Variants in MAP4K2 observed in about 807,000 individuals in gnomAD.
MAP4K2 encodes the protein B lymphocyte serine/threonine protein kinase.
In MAP4K2, 85 loss-of-function variants were observed where a neutral mutation model predicts 125.3. The observed-to-expected ratio is 0.68, with a 90% CI of 0.57 to 0.81. The LOEUF is 0.81. Ranked by LOEUF, MAP4K2 falls within the 40% of genes least tolerant of loss-of-function variation. The probability of loss-of-function intolerance (pLI) is 0.00; values close to 1 mark genes in which losing one functional copy is unlikely to be tolerated. For synonymous variants in MAP4K2, 479 were observed against 445.1 expected (o/e 1.08, Z -0.96); for missense variants, 923 against 1,056.4 (o/e 0.87, Z 1.75).
rs1276336878 is a variant in MAP4K2, at chr11:64,786,690, C to T, written c.*2847G>A. ...CAGCTATCACCACGGCATATGTAGC[C>T]ACCGCTAACTCATTAATGCTGCTTC... On this transcript the variant is annotated 3_prime_UTR_variant, in exon 32 of 32. Transcript: ENST00000294066. 1 of 152,212 alleles carries T rather than the reference C, an allele frequency of 6.6e-6. No homozygotes were observed. The highest frequency in any genetic ancestry group is 2.4e-5 in the African/African-American group (1 of 41,448). 9.4% of individuals were successfully genotyped at this position (152,212 alleles called of 1,614,324 possible). A position where few individuals can be genotyped will look rare whatever the true frequency, so the allele number is the denominator to read the frequency against.
chr11:64,796,134 T>C, intron 24 of MAP4K2, 139 bp downstream of exon 24: 1 of 723,646 alleles, frequency 1.4e-6, no homozygotes, highest in South Asian at 2.3e-5. Context: ...GGCCATCAAT[T>C]GTATTGACAG....
chr11:64,798,120 T>A (rs1289719753), intron 15 of MAP4K2, among the ~76,000 whole-genome samples: 1 of 151,932 alleles, frequency 6.6e-6, no homozygotes, highest in Admixed American at 6.6e-5. Context: ...GCCACCCTAG[T>A]AGCTGGGATT....
chr11:64,799,704 T>C (rs1292314566), intron 12 of MAP4K2, 21 bp from the exon 13 acceptor site: 6 of 1,605,914 alleles, frequency 3.7e-6, no homozygotes, highest in Non-Finnish European at 5.1e-6. Context: ...ACAGAAACAG[T>C]GTGGACACAC....
intron 23 of MAP4K2, 29 bp downstream of exon 23, chr11:64,796,464 C>G: frequency 6.2e-7 from 1 of 1,613,624 alleles, no homozygotes; most frequent in Non-Finnish European, 8.5e-7. Context: ...CCCTGCGGAC[C>G]CTGCCTCCCT....
intron 29 of MAP4K2, 75 bp from the exon 30 acceptor site, chr11:64,790,034 GC>G: frequency 6.4e-7 from 1 of 1,573,108 alleles, no homozygotes; most frequent in South Asian, 1.1e-5. Context: ...CTGGGTCTGG[GC>G]CACAGGGGTC....
Position 64,796,289 on chromosome 11 carries a change from G to C in MAP4K2, c.1735C>G (p.Gln579Glu). 1 of 1,535,252 alleles carries C rather than the reference G, an allele frequency of 6.5e-7. No homozygotes were observed. The highest frequency in any genetic ancestry group is 8.8e-7 in the Non-Finnish European group (1 of 1,141,686). ...PLSIPTNRLTQRIIPRRFALS... is the reference protein window; with the variant it reads ...PLSIPTNRLTERIIPRRFALS... Reference sequence around the variant, plus strand: ...ATCCCTGACCTGGGGATGATGCGCTGGGTGAGGCGGTTGGTGGGGATGGAG... The same window carrying C: ...ATCCCTGACCTGGGGATGATGCGCTCGGTGAGGCGGTTGGTGGGGATGGAG... The change falls in exon 24 of 32, where the codon CAG becomes GAG. Residue 579 changes from glutamine to glutamate, a missense_variant. By Grantham distance (29) the Gln-to-Glu change is conservative. Coordinates refer to ENST00000294066, the MANE Select transcript of MAP4K2 (RefSeq NM_004579.5).
At position 64,802,880 on chromosome 11, in the gene MAP4K2, C is replaced by G. The variant is rs537193551; in HGVS notation, c.154+5G>C. The G allele has an allele frequency of 1.9e-6, 3 of 1,600,436 alleles. No individual in the cohort carries two copies. The highest frequency in any genetic ancestry group is 2.6e-6 in the Non-Finnish European group (3 of 1,174,532). On this transcript the variant is annotated splice_donor_5th_base_variant and intron_variant, in intron 2 of 31. Transcript: ENST00000294066. ...CTGGCGCAGAGGCCCGACCCGGGCC[C>G]TCACCTGGGTCTAGCTTGACTATCT...
At chr11:64,794,382 C>T (rs1228974007) in intron 24 of MAP4K2, among the ~76,000 whole-genome samples, 5 of 149,804 alleles carry the variant, frequency 3.3e-5, no homozygotes, top group East Asian at 1.9e-4. Flanking sequence ...TTTTTTGAGA[C>T]GGAGTCTTGC....
In MAP4K2 at chr11:64,797,203, A is replaced by G. The variant is rs1160344087; in HGVS notation, c.1277-11T>C. On this transcript the variant is annotated splice_polypyrimidine_tract_variant and intron_variant, in intron 18 of 31. Transcript: ENST00000294066. ...GTGGGGGCAGGGTTCCTGCAGGCAC[A>G]GGCGTGCTGTAATTTCCTGCTGTAG... is the stretch of plus-strand genomic sequence containing the variant. The G allele has an allele frequency of 1.9e-6, 3 of 1,612,402 alleles. No homozygotes were observed. The Admixed American group carries it at 5.0e-5, about 27-fold the overall frequency.
chr11:64,792,331 G>GCCCCCCCCCA, intron 25 of MAP4K2, 33 bp downstream of exon 25: 1 of 1,535,444 alleles, frequency 6.5e-7, no homozygotes, highest in Non-Finnish European at 8.9e-7. Context: ...CCCCCACCAG[G>GCCCCCCCCCA]CCCCGCCCCA....
At chr11:64,799,381 C>A in intron 14 of MAP4K2, 40 bp downstream of exon 14, 1 of 1,607,630 alleles carries the variant, frequency 6.2e-7, no homozygotes, top group Non-Finnish European at 8.5e-7. Flanking sequence ...CCCTGCCCCA[C>A]CTCTGGGCAC....
At chr11:64,794,074 C>T (rs1315279212) in intron 24 of MAP4K2, among the ~76,000 whole-genome samples, 1 of 152,190 alleles carries the variant, frequency 6.6e-6, no homozygotes, top group Non-Finnish European at 1.5e-5. Flanking sequence ...CTGGTCATGA[C>T]AATGTCGGGG....
intron 12 of MAP4K2, 46 bp downstream of exon 12, chr11:64,800,063 C>T: frequency 6.7e-7 from 1 of 1,482,628 alleles, no homozygotes; most frequent in Non-Finnish European, 9.2e-7. Context: ...CGGGCTCTTT[C>T]TAAGCAGACC....
chr11:64,802,991 G>C (rs895100636), intron 1 of MAP4K2, 49 bp from the exon 2 acceptor site: 2 of 1,565,348 alleles, frequency 1.3e-6, no homozygotes, highest in Non-Finnish European at 8.6e-7. Flanking sequence ...CCGGGGGCTA[G>C]ATCCTGCCGC....
At chr11:64,801,284 C>G in intron 7 of MAP4K2, 101 bp from the exon 8 acceptor site, 1 of 1,422,938 alleles carries the variant, frequency 7.0e-7, no homozygotes, top group Non-Finnish European at 9.7e-7. Context: ...CTCAGACGGG[C>G]AGGTGGCCCC....
chr11:64,795,771 C>T (rs1940759891), intron 24 of MAP4K2, among the ~76,000 whole-genome samples: 2 of 152,148 alleles, frequency 1.3e-5, no homozygotes, highest in African/African-American at 4.8e-5. Context: ...TGGCCTCACA[C>T]AATCCTTCTG....
intron 27 of MAP4K2, 113 bp downstream of exon 27, chr11:64,791,796 T>C (rs1592577076): frequency 1.7e-6 from 2 of 1,185,600 alleles, no homozygotes; most frequent in Non-Finnish European, 2.3e-6. Context: ...AAGGTCTCTG[T>C]GGAGCCACTG....
At chr11:64,801,972 C>G (rs1941208390) in intron 5 of MAP4K2, 94 bp downstream of exon 5, 4 of 1,364,692 alleles carry the variant, frequency 2.9e-6, no homozygotes, top group African/African-American at 1.4e-5. Context: ...CAGCCCCACC[C>G]GAGGCACTCC....
In MAP4K2 at chr11:64,789,466, C is replaced by T; in HGVS notation, c.*71G>A. On this transcript the variant is annotated 3_prime_UTR_variant, in exon 32 of 32. Coordinates refer to ENST00000294066, the MANE Select transcript of MAP4K2 (RefSeq NM_004579.5). Reference sequence around the variant, plus strand: ...TGGGCTCCTCTGGTCTAGGATGGGCCCCTTTGCCCAAAAGGGCCTGCAGCT... The same window carrying T: ...TGGGCTCCTCTGGTCTAGGATGGGCTCCTTTGCCCAAAAGGGCCTGCAGCT... 2 of 1,382,840 alleles carry T rather than the reference C, an allele frequency of 1.4e-6. No individual in the cohort carries two copies. Among genetic ancestry groups the T allele is most frequent in the South Asian group, 1.2e-5 (1 of 80,506 alleles). The allele number at this position is 1,382,840 out of a possible 1,614,324, so 85.7% of individuals were successfully genotyped here. A position where few individuals can be genotyped will look rare whatever the true frequency, so the allele number is the denominator to read the frequency against.
Sources: gnomAD v4.1 joint callset for allele counts (sites outside exome capture counted in the v4.1 genomes callset) on GRCh38, gnomAD v4.1.1 for gene constraint, MANE v1.5 for transcripts, NCBI Gene and HGNC (gene_info 2026-07-23, HGNC 2026-07-21) for gene names.